Variants in FXR1 observed in about 807,000 individuals in gnomAD.
The protein encoded by FXR1 is FMR1 autosomal homolog 1.
Under a neutral mutation model 84.0 loss-of-function variants are expected in FXR1, and 15 were observed. That is an observed-to-expected ratio of 0.18 (90% CI 0.12 to 0.27). The LOEUF (loss-of-function observed/expected upper bound fraction) is 0.27, where lower values mean the gene tolerates loss of function less well. FXR1 is among the 10% of genes least tolerant of loss of function. FXR1 has a pLI of 1.00. For synonymous variants in FXR1, 245 were observed against 250.7 expected (o/e 0.98, Z 0.21); for missense variants, 480 against 774.4 (o/e 0.62, Z 4.51).
intron 1 of FXR1, among the ~76,000 whole-genome samples, chr3:180,919,834 C>T (rs916515295): frequency 4.0e-5 from 6 of 151,636 alleles, no homozygotes; most frequent in African/African-American, 4.8e-5. Flanking sequence ...CCACCACGCC[C>T]GGCTGATTTT....
At chr3:180,943,638 G>A (rs1401203491) in intron 3 of FXR1, among the ~76,000 whole-genome samples, 1 of 152,148 alleles carries the variant, frequency 6.6e-6, no homozygotes, top group Non-Finnish European at 1.5e-5. Flanking sequence ...TCTTTCAGGG[G>A]TGAAGTTATG....
chr3:180,976,037 C>G, intron 16 of FXR1, 85 bp from the exon 17 acceptor site: 1 of 992,200 alleles, frequency 1.0e-6, no homozygotes, highest in South Asian at 1.7e-5. Flanking sequence ...TTTTAATTAG[C>G]TAATTAGTGT....
At chr3:180,920,035 GCTGT>G (rs1281557689) in intron 1 of FXR1, among the ~76,000 whole-genome samples, 2 of 152,096 alleles carry the variant, frequency 1.3e-5, no homozygotes, top group African/African-American at 4.8e-5. Context: ...AGCGTTTTTT[GCTGT>G]CTATTTTGGG....
chr3:180,930,132 G>A (rs484550), intron 1 of FXR1, among the ~76,000 whole-genome samples: 37,918 of 151,998 alleles, frequency 0.25, 6,238 homozygotes, highest in African/African-American at 0.45. Flanking sequence ...GCGTGGTGGC[G>A]TGTGCCTGTA....
chr3:180,964,760 C>T (rs999635593), intron 13 of FXR1, among the ~76,000 whole-genome samples: 24 of 149,204 alleles, frequency 1.6e-4, no homozygotes, highest in Non-Finnish European at 7.4e-5. Flanking sequence ...CCCAGTATAA[C>T]ATCTCTGAAG....
At chr3:180,971,706 CTATT>C (rs1364601966) in intron 15 of FXR1, 3 of 150,796 alleles carry the variant, frequency 2.0e-5, no homozygotes, top group Non-Finnish European at 4.5e-5. Flanking sequence ...CACCTACTAA[CTATT>C]CAAATTAATA....
intron 1 of FXR1, among the ~76,000 whole-genome samples, chr3:180,925,300 C>T (rs992792678): frequency 1.3e-5 from 2 of 150,786 alleles, no homozygotes; most frequent in Admixed American, 6.7e-5. Flanking sequence ...GTGGAGGTTA[C>T]AGTGAGCTGA....
At chr3:180,915,330 C>A in intron 1 of FXR1, 1 of 559,322 alleles carries the variant, frequency 1.8e-6, no homozygotes, top group Non-Finnish European at 3.1e-6. Context: ...TTCCGTCATG[C>A]CCTTTTCAGT....
intron 16 of FXR1, 140 bp downstream of exon 16, chr3:180,975,544 G>A (rs1714131839): frequency 4.3e-6 from 2 of 461,738 alleles, no homozygotes; most frequent in Non-Finnish European, 7.8e-6. Context: ...TCTTGAATAT[G>A]TTCTTGGCCC....
chr3:180,913,274 T>G (rs890733162), intron 1 of FXR1, among the ~76,000 whole-genome samples: 1 of 152,140 alleles, frequency 6.6e-6, no homozygotes, highest in Non-Finnish European at 1.5e-5. Context: ...CTGAGGAGAA[T>G]GGGGGTACCG....
rs999269532 is a variant in FXR1, at chr3:180,979,714, G to A, written c.*3422G>A. Reference sequence around the variant, plus strand: ...TAAAGTCAGACTGTTAGCAAGTGGTGTTAAAACTGATTTAAGTCCATTACA... The same window carrying A: ...TAAAGTCAGACTGTTAGCAAGTGGTATTAAAACTGATTTAAGTCCATTACA... On this transcript the variant is annotated 3_prime_UTR_variant, in exon 17 of 17. Transcript: ENST00000357559. 5.9e-5 allele frequency: 9 copies of A among 152,010 alleles called. No individual in the cohort carries two copies. The highest frequency in any genetic ancestry group is 2.2e-4 in the African/African-American group (9 of 41,412). The allele number at this position is 152,010 out of a possible 1,614,324, so 9.4% of individuals were successfully genotyped here.
rs1436952064 is a variant in FXR1 at position 180,968,105 on chromosome 3, A to C, written c.1253A>C (p.Glu418Ala). ...PSETESERKDELSDWSLAGED... is the reference protein window; with the variant it reads ...PSETESERKDALSDWSLAGED... Reference sequence around the variant, plus strand: ...GAAACGGAATCTGAGCGTAAAGACGAGCTGAGTGATTGGTCATTGGCAGGA... The same window carrying C: ...GAAACGGAATCTGAGCGTAAAGACGCGCTGAGTGATTGGTCATTGGCAGGA... The change falls in exon 14 of 17, where the codon GAG (glutamate) becomes GCG (alanine). Residue 418 changes from glutamate to alanine, a missense_variant. Coordinates refer to ENST00000357559, the MANE Select transcript of FXR1 (RefSeq NM_005087.4). 5 of 1,613,832 alleles carry C rather than the reference A, an allele frequency of 3.1e-6. No individual in the cohort carries two copies. The highest frequency in any genetic ancestry group is 4.2e-6 in the Non-Finnish European group (5 of 1,179,716).
chr3:180,919,242 T>TA lies in FXR1; in HGVS notation c.51+6515dup, dbSNP rs200123786. 5.3e-3 allele frequency among the ~76,000 whole-genome samples: 795 copies of TA among 148,726 alleles called. 4 individuals carry two copies. The highest frequency in any genetic ancestry group is 0.018 in the African/African-American group (721 of 40,744). ...AAATTGGGTTTCAAAGCCTTAGAAT[T>TA]AAAAAAAAATGTGAAACACCTAAAT... is the stretch of plus-strand genomic sequence containing the variant. On this transcript the variant is annotated intron_variant, in intron 1 of 16. Coordinates refer to ENST00000357559, the MANE Select transcript of FXR1 (RefSeq NM_005087.4).
intron 1 of FXR1, among the ~76,000 whole-genome samples, chr3:180,929,515 T>C (rs1212445952): frequency 1.3e-5 from 2 of 152,170 alleles, no homozygotes; most frequent in African/African-American, 4.8e-5. Context: ...TGTCAAAGGC[T>C]TTGTTCTGAG....
At chr3:180,947,173 C>T (rs770276514) in intron 3 of FXR1, among the ~76,000 whole-genome samples, 10 of 151,942 alleles carry the variant, frequency 6.6e-5, no homozygotes, top group Admixed American at 1.3e-4. Context: ...CTCAGCCCTC[C>T]GAGTAGATGA....
At chr3:180,962,403 G>C (rs935905517) in intron 11 of FXR1, among the ~76,000 whole-genome samples, 1 of 152,152 alleles carries the variant, frequency 6.6e-6, no homozygotes, top group Admixed American at 6.5e-5. Context: ...TTTGCATCCT[G>C]TAATGACCTC....
chr3:180,972,201 T>G (rs986118999), intron 15 of FXR1, among the ~76,000 whole-genome samples: 3 of 152,200 alleles, frequency 2.0e-5, no homozygotes, highest in Non-Finnish European at 4.4e-5. Context: ...CAGTGGCTCA[T>G]ACCTGTAATC....
chr3:180,914,611 G>A (rs964514069), intron 1 of FXR1: 5 of 186,312 alleles, frequency 2.7e-5, no homozygotes, highest in Non-Finnish European at 4.0e-5. Context: ...AAGATTGTTT[G>A]CAGTCTTACT....
chr3:180,913,748 C>T (rs114020431), intron 1 of FXR1, among the ~76,000 whole-genome samples: 1,667 of 152,298 alleles, frequency 0.011, 15 homozygotes, highest in Non-Finnish European at 0.017. Flanking sequence ...AAGATCAATA[C>T]AGAATCTCCC....
Sources: allele counts gnomAD v4.1 joint callset (sites outside exome capture counted in the v4.1 genomes callset), GRCh38; gene constraint gnomAD v4.1.1; transcripts MANE v1.5; gene names NCBI Gene and HGNC (gene_info 2026-07-23, HGNC 2026-07-21).